The following EPHA6 variants were observed in gnomAD, a reference collection of about 807,000 sequenced individuals.
The protein encoded by EPHA6 is ephrin type-A receptor 6.
A neutral mutation model predicts 112.0 loss-of-function variants in EPHA6; 50 were observed. The observed-to-expected ratio is 0.45, with a 90% CI of 0.36 to 0.56. EPHA6 has a LOEUF of 0.56. Among genes scored for constraint, EPHA6 ranks in the 20% least tolerant of loss-of-function variants. The pLI, the probability that EPHA6 is intolerant of heterozygous loss-of-function variation, is 0.00. For missense variants in EPHA6, 1,280 were observed against 1,417.4 expected (o/e 0.90, Z 1.56); for synonymous variants, 529 against 490.7 (o/e 1.08, Z -1.03).
intron 2 of EPHA6, among the ~76,000 whole-genome samples, chr3:96,873,633 A>G (rs1328569752): frequency 6.6e-6 from 1 of 152,138 alleles, no homozygotes; most frequent in Non-Finnish European, 1.5e-5. Flanking sequence ...TTCAATCTAA[A>G]CAATAAATCA....
At chr3:97,345,774 T>C (rs1412787451) in intron 5 of EPHA6, among the ~76,000 whole-genome samples, 1 of 152,094 alleles carries the variant, frequency 6.6e-6, no homozygotes, top group Non-Finnish European at 1.5e-5. Context: ...TTAATTGAGA[T>C]GAAAAAATTG....
chr3:97,442,359 G>A (rs935291804), intron 6 of EPHA6, among the ~76,000 whole-genome samples: 1 of 152,204 alleles, frequency 6.6e-6, no homozygotes, highest in Non-Finnish European at 1.5e-5. Flanking sequence ...GCCAAGGCGA[G>A]TGGACCACTT....
intron 3 of EPHA6, among the ~76,000 whole-genome samples, chr3:97,168,036 G>A (rs1034352458): frequency 1.3e-5 from 2 of 151,824 alleles, no homozygotes; most frequent in Non-Finnish European, 2.9e-5. Flanking sequence ...ATTTAGTAAA[G>A]AGAATTCACT....
intron 3 of EPHA6, among the ~76,000 whole-genome samples, chr3:97,185,454 T>C (rs552149107): frequency 0.014 from 2,179 of 151,634 alleles, 54 homozygotes; most frequent in African/African-American, 0.048. Flanking sequence ...AGCCAACAGA[T>C]GCATGAAAAA....
At chr3:97,098,497 A>C (rs1398633332) in intron 3 of EPHA6, among the ~76,000 whole-genome samples, 1 of 151,920 alleles carries the variant, frequency 6.6e-6, no homozygotes, top group African/African-American at 2.4e-5. Context: ...TAGGGAAGAT[A>C]TGGAAAAATA....
At chr3:97,174,300 T>C (rs2076776331) in intron 3 of EPHA6, among the ~76,000 whole-genome samples, 1 of 151,946 alleles carries the variant, frequency 6.6e-6, no homozygotes, top group Admixed American at 6.6e-5. Flanking sequence ...ATTCATCTGG[T>C]GATGGACATT....
In EPHA6 at chr3:97,575,519, A is replaced by G. The variant is rs181971942; in HGVS notation, c.2387-17093A>G. Among the ~76,000 whole-genome samples, 517 of 152,320 alleles carry G rather than the reference A, an allele frequency of 3.4e-3. 2 individuals are homozygous for G. The highest frequency in any genetic ancestry group is 0.011 in the African/African-American group (461 of 41,590). ...TACGTATACAACCATTCCTGGCATA[A>G]AAAAACATCTGAGAGGTTACACATC... On this transcript the variant is annotated intron_variant, in intron 11 of 17. Coordinates refer to ENST00000389672, the MANE Select transcript of EPHA6 (RefSeq NM_001080448.3).
At position 97,207,821 on chromosome 3, in the gene EPHA6, C is replaced by G. The variant is rs116903104; in HGVS notation, c.1115-18443C>G. Among the ~76,000 whole-genome samples, 40 of 152,244 alleles carry G rather than the reference C, an allele frequency of 2.6e-4. No homozygotes were observed. The East Asian group carries it at 6.0e-3, about 23-fold the overall frequency. ...GTTATAGGTTCATGAAATGCTAGAA[C>G]TGCTTTTGCAGAAGAGCTCCTGCTT... On this transcript the variant is annotated intron_variant, in intron 3 of 17. Transcript: ENST00000389672.
At chr3:97,542,373 C>T (rs1316628297) in intron 11 of EPHA6, among the ~76,000 whole-genome samples, 1 of 152,106 alleles carries the variant, frequency 6.6e-6, no homozygotes, top group African/African-American at 2.4e-5. Flanking sequence ...TGATATTTTG[C>T]TGAGAATGAT....
intron 3 of EPHA6, among the ~76,000 whole-genome samples, chr3:97,214,648 A>G (rs932594686): frequency 2.0e-5 from 3 of 152,088 alleles, no homozygotes; most frequent in African/African-American, 7.2e-5. Flanking sequence ...TTCTCAAATT[A>G]TAAGCGTATT....
chr3:97,687,482 G>A (rs1425862733), intron 14 of EPHA6, among the ~76,000 whole-genome samples: 2 of 152,084 alleles, frequency 1.3e-5, no homozygotes, highest in Non-Finnish European at 1.5e-5. Context: ...AGATCGTAAC[G>A]CGATGAAATA....
At chr3:97,283,619 A>G (rs937983687) in intron 5 of EPHA6, among the ~76,000 whole-genome samples, 3 of 152,088 alleles carry the variant, frequency 2.0e-5, no homozygotes, top group Non-Finnish European at 2.9e-5. Flanking sequence ...GGTGAGGGGC[A>G]AGGGGAGGGA....
At chr3:97,562,934 T>C (rs778346551) in intron 11 of EPHA6, among the ~76,000 whole-genome samples, 1 of 152,206 alleles carries the variant, frequency 6.6e-6, no homozygotes, top group Non-Finnish European at 1.5e-5. Context: ...AGCAATAAAG[T>C]GTTTTTAATT....
chr3:97,419,456 C>G (rs992544030), intron 6 of EPHA6, among the ~76,000 whole-genome samples: 2 of 151,842 alleles, frequency 1.3e-5, no homozygotes, highest in African/African-American at 4.8e-5. Context: ...GAAACCCCTT[C>G]TCTACTGAAA....
intron 10 of EPHA6, among the ~76,000 whole-genome samples, chr3:97,507,546 T>C (rs1332681848): frequency 6.6e-6 from 1 of 152,210 alleles, no homozygotes; most frequent in Non-Finnish European, 1.5e-5. Context: ...CTTTTTGATA[T>C]GCTGGCAGAT....
intron 2 of EPHA6, among the ~76,000 whole-genome samples, chr3:96,886,784 A>G (rs1458568689): frequency 1.3e-5 from 2 of 151,802 alleles, no homozygotes; most frequent in African/African-American, 2.4e-5. Flanking sequence ...TGTAGGTCCT[A>G]TGTGATCTAT....
intron 3 of EPHA6, among the ~76,000 whole-genome samples, chr3:97,200,895 A>G (rs979948602): frequency 6.6e-6 from 1 of 152,140 alleles, no homozygotes; most frequent in Admixed American, 6.6e-5. Context: ...GCAGATGTGA[A>G]AATGTGATAG....
chr3:97,646,460 GTGTTTTGCAT>G (rs2094064552), intron 14 of EPHA6: 1 of 626,502 alleles, frequency 1.6e-6, no homozygotes, highest in African/African-American at 1.9e-5. Context: ...TTCAACTTGA[GTGTTTTGCAT>G]GCCGTGCTCT....
At chr3:97,207,394 G>A (rs911941078) in intron 3 of EPHA6, among the ~76,000 whole-genome samples, 1 of 152,124 alleles carries the variant, frequency 6.6e-6, no homozygotes, top group African/African-American at 2.4e-5. Context: ...TGTTAAGATG[G>A]TCAAGGAATC....
Sources: allele counts gnomAD v4.1 joint callset (sites outside exome capture counted in the v4.1 genomes callset), GRCh38; gene constraint gnomAD v4.1.1; transcripts MANE v1.5; gene names NCBI Gene and HGNC (gene_info 2026-07-23, HGNC 2026-07-21).